The following MECOM variants were observed in gnomAD, a reference collection of about 807,000 sequenced individuals.
MECOM encodes MDS1 and EVI1 complex locus, also known as histone-lysine N-methyltransferase MECOM.
Under a neutral mutation model 116.3 loss-of-function variants are expected in MECOM, and 13 were observed. The ratio of observed to expected loss-of-function variants is 0.11; its 90% CI spans 0.07 to 0.18. The LOEUF (loss-of-function observed/expected upper bound fraction) is 0.18, where lower values mean the gene tolerates loss of function less well. MECOM is among the 10% of genes least tolerant of loss of function. The probability of loss-of-function intolerance (pLI) is 1.00; values close to 1 mark genes in which losing one functional copy is unlikely to be tolerated. For synonymous variants in MECOM, 528 were observed against 535.2 expected (o/e 0.99, Z 0.19); for missense variants, 1,299 against 1,509.0 (o/e 0.86, Z 2.31).
intron 1 of MECOM, among the ~76,000 whole-genome samples, chr3:169,617,941 T>C (rs1770224842): frequency 6.6e-6 from 1 of 152,188 alleles, no homozygotes; most frequent in African/African-American, 2.4e-5. Context: ...AGTGGATCTT[T>C]ATTCTTCATA....
intron 1 of MECOM, among the ~76,000 whole-genome samples, chr3:169,659,595 G>A (rs1776011499): frequency 6.6e-6 from 1 of 151,868 alleles, no homozygotes; most frequent in Admixed American, 6.6e-5. Context: ...AAGGGGCCTC[G>A]GCCTCCGTTG....
chr3:169,594,178 A>AAAAAAAAAACCAAAAAACACCTT (rs1553894686), intron 1 of MECOM, among the ~76,000 whole-genome samples: 1 of 138,598 alleles, frequency 7.2e-6, no homozygotes, highest in Non-Finnish European at 1.6e-5. Flanking sequence ...AAAAAAAAAC[A>AAAAAAAAAACCAAAAAACACCTT]CCTTTTCACC....
chr3:169,567,532 A>G (rs1377367402), intron 1 of MECOM, among the ~76,000 whole-genome samples: 1 of 152,176 alleles, frequency 6.6e-6, no homozygotes, highest in East Asian at 1.9e-4. Flanking sequence ...AAGCAACCCA[A>G]TCCTTATAGA....
chr3:169,293,730 C>A (rs1485509695), intron 2 of MECOM, among the ~76,000 whole-genome samples: 3 of 152,194 alleles, frequency 2.0e-5, no homozygotes, highest in African/African-American at 7.2e-5. Context: ...ACTAAAAAGT[C>A]CATGAGGGTA....
chr3:169,512,496 C>G (rs1447058628), intron 1 of MECOM, among the ~76,000 whole-genome samples: 1 of 152,186 alleles, frequency 6.6e-6, no homozygotes, highest in African/African-American at 2.4e-5. Flanking sequence ...CCAGTCCTCC[C>G]ATCTTGGATA....
At chr3:169,659,440 A>ATTTT (rs56270349) in intron 1 of MECOM, among the ~76,000 whole-genome samples, 2,586 of 62,116 alleles carry the variant, frequency 0.042, 600 homozygotes, top group East Asian at 0.066. Context: ...CTAAACACAG[A>ATTTT]TTTTTTTTTT....
chr3:169,576,826 C>G (rs1764553979), intron 1 of MECOM, among the ~76,000 whole-genome samples: 3 of 129,558 alleles, frequency 2.3e-5, no homozygotes, highest in South Asian at 2.4e-4. Context: ...CACACACACA[C>G]ACACACACAC....
intron 1 of MECOM, among the ~76,000 whole-genome samples, chr3:169,439,605 C>T (rs1034852502): frequency 5.9e-5 from 9 of 152,032 alleles, no homozygotes; most frequent in African/African-American, 2.2e-4. Context: ...GTGGTATAAA[C>T]ATGTGAAGAA....
chr3:169,560,971 T>C (rs143526575), intron 1 of MECOM, among the ~76,000 whole-genome samples: 225 of 151,880 alleles, frequency 1.5e-3, no homozygotes, highest in African/African-American at 5.3e-3. Flanking sequence ...TACAAATCAA[T>C]AAGAAAAATA....
intron 1 of MECOM, among the ~76,000 whole-genome samples, chr3:169,572,820 G>T (rs976357933): frequency 2.0e-5 from 3 of 152,040 alleles, no homozygotes; most frequent in Non-Finnish European, 4.4e-5. Context: ...ACACACCGGG[G>T]CCTGTTGGGG....
intron 2 of MECOM, among the ~76,000 whole-genome samples, chr3:169,287,623 C>A (rs1482319330): frequency 1.3e-5 from 2 of 152,028 alleles, no homozygotes; most frequent in African/African-American, 4.8e-5. Context: ...ATGCATGAAG[C>A]TGGTGTTCAA....
chr3:169,396,201 A>G (rs1735000414), intron 1 of MECOM, among the ~76,000 whole-genome samples: 1 of 152,204 alleles, frequency 6.6e-6, no homozygotes, highest in Non-Finnish European at 1.5e-5. Flanking sequence ...TAATCTATAA[A>G]CCATAGATCC....
chr3:169,407,093 C>T (rs1736831710), intron 1 of MECOM, among the ~76,000 whole-genome samples: 1 of 152,026 alleles, frequency 6.6e-6, no homozygotes, highest in South Asian at 2.1e-4. Context: ...ATGCTCCACC[C>T]ACCTCGGCCT....
At chr3:169,372,198 A>C (rs998653676) in intron 2 of MECOM, among the ~76,000 whole-genome samples, 3 of 152,082 alleles carry the variant, frequency 2.0e-5, no homozygotes, top group African/African-American at 7.2e-5. Flanking sequence ...CTAAGTTCAC[A>C]GCCAATATTT....
At chr3:169,146,539 G>C (rs1044743840) in intron 2 of MECOM, 1 of 1,378,048 alleles carries the variant, frequency 7.3e-7, no homozygotes, top group South Asian at 1.1e-5. Context: ...GGAGGAACAA[G>C]GAAATCGCCC....
intron 2 of MECOM, among the ~76,000 whole-genome samples, chr3:169,280,922 G>A (rs1042620349): frequency 6.6e-6 from 1 of 152,288 alleles, no homozygotes; most frequent in East Asian, 1.9e-4. Flanking sequence ...TTTGAGAGAA[G>A]TTTAGAAAGG....
intron 2 of MECOM, among the ~76,000 whole-genome samples, chr3:169,144,727 T>C (rs1276718184): frequency 6.6e-6 from 1 of 152,094 alleles, no homozygotes; most frequent in Non-Finnish European, 1.5e-5. Context: ...ACATCAATAT[T>C]AAAAGCTGTA....
chr3:169,430,794 CT>C (rs1741493278), intron 1 of MECOM, among the ~76,000 whole-genome samples: 1 of 152,156 alleles, frequency 6.6e-6, no homozygotes, highest in Admixed American at 6.6e-5. Context: ...TAACAAGACC[CT>C]TTACTGAAAG....
chr3:169,290,477 A>G (rs1446004615), intron 2 of MECOM, among the ~76,000 whole-genome samples: 1 of 152,146 alleles, frequency 6.6e-6, no homozygotes, highest in Non-Finnish European at 1.5e-5. Flanking sequence ...GAGACCATGA[A>G]TGTGCACCCA....
Sources: gnomAD v4.1 joint callset for allele counts (sites outside exome capture counted in the v4.1 genomes callset) on GRCh38, gnomAD v4.1.1 for gene constraint, MANE v1.5 for transcripts, NCBI Gene and HGNC (gene_info 2026-07-23, HGNC 2026-07-21) for gene names.